Variants in MDN1 observed in about 807,000 individuals in gnomAD.
MDN1 encodes the protein midasin AAA ATPase 1.
Under a neutral mutation model 669.2 loss-of-function variants are expected in MDN1, and 266 were observed. The ratio of observed to expected loss-of-function variants is 0.40; its 90% CI spans 0.36 to 0.44. The LOEUF (loss-of-function observed/expected upper bound fraction) is 0.44. Among genes scored for constraint, MDN1 ranks in the 20% least tolerant of loss-of-function variants. The probability of loss-of-function intolerance (pLI) is 1.00; values close to 1 mark genes in which losing one functional copy is unlikely to be tolerated. For synonymous variants in MDN1, 2,385 were observed against 2,457.1 expected (o/e 0.97, Z 0.87); for missense variants, 5,940 against 6,754.0 (o/e 0.88, Z 4.22).
At chr6:89,733,814 C>G (rs1254029943) in intron 33 of MDN1, among the ~76,000 whole-genome samples, 1 of 151,434 alleles carries the variant, frequency 6.6e-6, no homozygotes, top group African/African-American at 2.4e-5. Context: ...TGAAAAAATC[C>G]ATTAATAGAA....
In MDN1 at chr6:89,695,614, G is replaced by T; in HGVS notation, c.9762C>A (p.Val3254=). 6.3e-7 allele frequency: 1 copy of T among 1,593,098 alleles called. No homozygotes were observed. Among genetic ancestry groups the T allele is most frequent in the South Asian group, 1.1e-5 (1 of 89,266 alleles). Residue 3254 remains valine (V), a synonymous_variant, in exon 61 of 102, where the codon GTC becomes GTA. Transcript: ENST00000369393. This position sits in a 1 kb window ranked among gnomAD's most constrained non-coding sequence, Gnocchi z 4.1. ...AVKREYKLNY[V]KEELHQLQCE... ...CTCTTGCCTCCCATACCTCTTCCTT[G>T]ACGTAATTGAGCTTGTACTCCCTCT...
Position 89,712,722 on chromosome 6 carries a change from G to A in MDN1, c.7283C>T (p.Ser2428Phe), listed in dbSNP as rs1191688476. ...TGGCCACAGTCCCATGCCAAGAATGGAGTCTCCCCAGGTTTCATGTGCTCG... is the reference window on the plus strand; with the variant it reads ...TGGCCACAGTCCCATGCCAAGAATGAAGTCTCCCCAGGTTTCATGTGCTCG... Reference protein sequence around the residue: ...SLRAHETWGDSILGMGLWPDS... With the variant: ...SLRAHETWGDFILGMGLWPDS... Residue 2428 changes from serine to phenylalanine, a missense_variant, in exon 48 of 102, where the codon TCC becomes TTC. Transcript: ENST00000369393. 1.2e-6 allele frequency: 2 copies of A among 1,614,122 alleles called. No individual in the cohort carries two copies. Among genetic ancestry groups the A allele is most frequent in the Non-Finnish European group, 8.5e-7 (1 of 1,180,016 alleles).
intron 97 of MDN1, among the ~76,000 whole-genome samples, chr6:89,648,828 AAAC>A (rs939849468): frequency 1.3e-5 from 2 of 151,146 alleles, no homozygotes; most frequent in African/African-American, 4.9e-5. Context: ...AAAAAAAAAA[AAAC>A]AATTTAGCCG....
At chr6:89,669,053 A>T (rs1810456405) in intron 83 of MDN1, among the ~76,000 whole-genome samples, 1 of 152,230 alleles carries the variant, frequency 6.6e-6, no homozygotes, top group Non-Finnish European at 1.5e-5. Context: ...CATAGGAGGG[A>T]GTTTCAGATG....
intron 59 of MDN1, among the ~76,000 whole-genome samples, chr6:89,698,170 G>GA (rs1443423708): frequency 1.3e-5 from 2 of 152,122 alleles, no homozygotes; most frequent in African/African-American, 4.8e-5. Context: ...TTAAAAAAGT[G>GA]AAAAGCAAAA....
intron 2 of MDN1, among the ~76,000 whole-genome samples, chr6:89,800,927 C>T (rs1041474817): frequency 1.3e-5 from 2 of 152,160 alleles, no homozygotes; most frequent in Non-Finnish European, 2.9e-5. Flanking sequence ...GGTAAAAAGT[C>T]ACACATCTGG....
intron 76 of MDN1, 48 bp downstream of exon 76, chr6:89,677,522 C>G (rs1317094925): frequency 1.9e-6 from 3 of 1,607,442 alleles, no homozygotes; most frequent in East Asian, 4.5e-5. Flanking sequence ...TTCTAAATTA[C>G]TTGCTCCATT....
intron 74 of MDN1, among the ~76,000 whole-genome samples, chr6:89,679,891 T>G (rs2128305848): frequency 6.6e-6 from 1 of 152,134 alleles, no homozygotes; most frequent in East Asian, 1.9e-4. Context: ...TGCAAATGGA[T>G]CTGTATTCCA....
In MDN1 at chr6:89,794,224, T is replaced by A; in HGVS notation, c.555-17A>T. On this transcript the variant is annotated splice_polypyrimidine_tract_variant and intron_variant, in intron 3 of 101. Transcript: ENST00000369393. Reference sequence around the variant, plus strand: ...GCTGTATACCTAGGGAAAAAGAAAGTATGTAAATTCAGTTTATCTGCAGTT... The same window carrying A: ...GCTGTATACCTAGGGAAAAAGAAAGAATGTAAATTCAGTTTATCTGCAGTT... 1 of 1,425,464 alleles carries A rather than the reference T, an allele frequency of 7.0e-7. No homozygotes were observed. Among genetic ancestry groups the A allele is most frequent in the South Asian group, 1.2e-5 (1 of 80,298 alleles). The allele number at this position is 1,425,464 out of a possible 1,614,324, so 88.3% of individuals were successfully genotyped here. A position where few individuals can be genotyped will look rare whatever the true frequency, so the allele number is the denominator to read the frequency against.
chr6:89,730,695 G>A, intron 35 of MDN1, 31 bp downstream of exon 35: 1 of 1,579,052 alleles, frequency 6.3e-7, no homozygotes, highest in Non-Finnish European at 8.6e-7. Context: ...CTATAGAAAA[G>A]GAAAATTCAT....
chr6:89,717,155 G>C (rs1355840060), intron 43 of MDN1, among the ~76,000 whole-genome samples: 1 of 152,134 alleles, frequency 6.6e-6, no homozygotes, highest in African/African-American at 2.4e-5. Context: ...ACTTCACACA[G>C]TGCAAACTGG....
intron 83 of MDN1, among the ~76,000 whole-genome samples, chr6:89,670,170 A>ATATATATATATATATTTTTTT (rs1444537561): frequency 4.3e-5 from 1 of 23,412 alleles, no homozygotes; most frequent in Non-Finnish European, 6.1e-5. Flanking sequence ...ATATATATAT[A>ATATATATATATATATTTTTTT]TTTTTTTTTT....
intron 1 of MDN1, among the ~76,000 whole-genome samples, chr6:89,804,201 T>C (rs1420924133): frequency 6.6e-6 from 1 of 152,052 alleles, no homozygotes; most frequent in African/African-American, 2.4e-5. Flanking sequence ...TGAGCCACCA[T>C]GCCTGGCCCA....
intron 66 of MDN1, 63 bp downstream of exon 66, chr6:89,688,510 T>C: frequency 6.8e-7 from 1 of 1,475,410 alleles, no homozygotes; most frequent in East Asian, 2.3e-5. Flanking sequence ...GGGATAATGG[T>C]GAGGCTGCAT....
chr6:89,745,482 G>A lies in MDN1; in HGVS notation c.4039+10C>T. The A allele has an allele frequency of 1.2e-6, 2 of 1,613,940 alleles. No individual in the cohort carries two copies. The highest frequency in any genetic ancestry group is 1.7e-6 in the Non-Finnish European group (2 of 1,179,918). On this transcript the variant is annotated intron_variant, in intron 28 of 101. Coordinates refer to ENST00000369393, the MANE Select transcript of MDN1 (RefSeq NM_014611.3). ...AAATCATATTCCTCTAGGGATTTTGGCCTACTCACCCAGCAATTTTAGAAC... is the reference window on the plus strand; with the variant it reads ...AAATCATATTCCTCTAGGGATTTTGACCTACTCACCCAGCAATTTTAGAAC...
intron 1 of MDN1, among the ~76,000 whole-genome samples, chr6:89,818,080 G>A (rs902524114): frequency 1.3e-5 from 2 of 152,058 alleles, no homozygotes; most frequent in African/African-American, 2.4e-5. Context: ...CACTTTAGGA[G>A]GCCAAGGCGG....
At chr6:89,811,274 G>C (rs1179691378) in intron 1 of MDN1, among the ~76,000 whole-genome samples, 2 of 152,128 alleles carry the variant, frequency 1.3e-5, no homozygotes, top group Non-Finnish European at 2.9e-5. Flanking sequence ...TAGGATACCT[G>C]TAAGTATCTA....
intron 57 of MDN1, 41 bp from the exon 58 acceptor site, chr6:89,699,768 A>G (rs751436862): frequency 5.0e-6 from 8 of 1,602,548 alleles, no homozygotes; most frequent in Admixed American, 1.7e-5. Context: ...GGTATGGACT[A>G]TCAATGAACT....
intron 31 of MDN1, among the ~76,000 whole-genome samples, chr6:89,742,014 T>C (rs1408441846): frequency 6.6e-6 from 1 of 152,058 alleles, no homozygotes; most frequent in East Asian, 1.9e-4. Flanking sequence ...ATGAAAAGAA[T>C]GGCTTGAACC....
Sources: allele counts gnomAD v4.1 joint callset (sites outside exome capture counted in the v4.1 genomes callset), GRCh38; gene constraint gnomAD v4.1.1; non-coding constraint Gnocchi (gnomAD v3.1); transcripts MANE v1.5; gene names NCBI Gene and HGNC (gene_info 2026-07-23, HGNC 2026-07-21).